Variants in DPP6 observed in about 807,000 individuals in gnomAD.
The protein encoded by DPP6 is A-type potassium channel modulatory protein DPP6.
DPP6 carries 69 observed loss-of-function variants against 122.6 expected under a neutral mutation model. The ratio of observed to expected loss-of-function variants is 0.56; its 90% CI spans 0.46 to 0.69. The LOEUF is 0.69. Ranked by LOEUF, DPP6 falls within the 30% of genes least tolerant of loss-of-function variation. The pLI is 0.00. For synonymous variants in DPP6, 418 were observed against 433.1 expected, an observed-to-expected ratio of 0.97 and a Z score of 0.43; for missense variants, 928 against 1,116.9, an observed-to-expected ratio of 0.83 and a Z score of 2.41.
At chr7:154,828,962 C>A (rs1043096011) in intron 16 of DPP6, among the ~76,000 whole-genome samples, 1 of 152,168 alleles carries the variant, frequency 6.6e-6, no homozygotes, top group Non-Finnish European at 1.5e-5. Context: ...CGGTCTCGTA[C>A]CTTTGTAAGT....
chr7:153,974,566 A>ATT (rs1296766780), intron 1 of DPP6, among the ~76,000 whole-genome samples: 1 of 152,214 alleles, frequency 6.6e-6, no homozygotes, highest in East Asian at 1.9e-4. Flanking sequence ...CAAACACAAG[A>ATT]GTATTCCAGT....
chr7:154,340,592 GCTAT>G (rs1189337617), intron 1 of DPP6, among the ~76,000 whole-genome samples: 1 of 152,112 alleles, frequency 6.6e-6, no homozygotes, highest in Non-Finnish European at 1.5e-5. Flanking sequence ...TGATCTTCAT[GCTAT>G]CTCTTTGTTT....
chr7:154,627,615 C>A (rs543797776), intron 5 of DPP6, among the ~76,000 whole-genome samples: 11 of 152,118 alleles, frequency 7.2e-5, no homozygotes, highest in Admixed American at 6.5e-4. Flanking sequence ...GGGGTGACTA[C>A]GACCTGCTTG....
At chr7:154,180,405 A>C (rs1798015370) in intron 1 of DPP6, among the ~76,000 whole-genome samples, 1 of 146,068 alleles carries the variant, frequency 6.8e-6, no homozygotes, top group African/African-American at 2.5e-5. Flanking sequence ...ATATGTATAA[A>C]TATATATATC....
intron 1 of DPP6, among the ~76,000 whole-genome samples, chr7:153,992,859 T>G (rs1797245505): frequency 6.6e-6 from 1 of 152,182 alleles, no homozygotes; most frequent in African/African-American, 2.4e-5. Context: ...ATTCTGTCCC[T>G]GAAATTCTCA....
At chr7:154,606,802 T>C (rs1833598504) in intron 5 of DPP6, among the ~76,000 whole-genome samples, 1 of 121,498 alleles carries the variant, frequency 8.2e-6, no homozygotes. Context: ...CTAGTCTTTT[T>C]TGTTATTTTC....
chr7:154,288,777 G>A (rs376074738), intron 1 of DPP6, among the ~76,000 whole-genome samples: 41 of 151,944 alleles, frequency 2.7e-4, no homozygotes, highest in African/African-American at 9.4e-4. Flanking sequence ...CTGATATGCT[G>A]GTAAAAAAAA....
intron 1 of DPP6, among the ~76,000 whole-genome samples, chr7:154,310,491 C>G (rs1806772666): frequency 6.6e-6 from 1 of 152,184 alleles, no homozygotes; most frequent in Admixed American, 6.5e-5. Flanking sequence ...GCAACCCAAA[C>G]TCAAAACAAT....
At chr7:154,030,475 A>T (rs1291827643) in intron 1 of DPP6, among the ~76,000 whole-genome samples, 3 of 152,068 alleles carry the variant, frequency 2.0e-5, no homozygotes, top group Non-Finnish European at 4.4e-5. Flanking sequence ...AGACAGGCTT[A>T]CACCATCTGG....
intron 1 of DPP6, among the ~76,000 whole-genome samples, chr7:154,270,309 A>G (rs1803703359): frequency 6.6e-6 from 1 of 152,252 alleles, no homozygotes; most frequent in African/African-American, 2.4e-5. Context: ...AATGTCTCAC[A>G]TCAATTTAGA....
intron 1 of DPP6, among the ~76,000 whole-genome samples, chr7:154,223,320 G>A (rs780303658): frequency 3.3e-5 from 5 of 149,422 alleles, no homozygotes; most frequent in East Asian, 3.9e-4. Flanking sequence ...CCATTAACAC[G>A]TTTTGCAAAT....
the DPP6 span, among the ~76,000 whole-genome samples, chr7:153,809,986 GA>G: frequency 1.3e-5 from 2 of 152,154 alleles, no homozygotes; most frequent in Non-Finnish European, 2.9e-5. Context: ...GTGCCTTAAA[GA>G]AGCTACCATT....
At chr7:154,176,242 GA>G (rs1797797080) in intron 1 of DPP6, among the ~76,000 whole-genome samples, 1 of 152,192 alleles carries the variant, frequency 6.6e-6, no homozygotes, top group Admixed American at 6.5e-5. Context: ...AAATAATTCA[GA>G]AGTGCAGTAT....
At chr7:154,012,269 A>AT (rs1419013969) in intron 1 of DPP6, among the ~76,000 whole-genome samples, 1 of 152,226 alleles carries the variant, frequency 6.6e-6, no homozygotes, top group Non-Finnish European at 1.5e-5. Flanking sequence ...AAAGATCTAA[A>AT]TTAAAAACTA....
intron 1 of DPP6, among the ~76,000 whole-genome samples, chr7:154,089,843 CT>C (rs1456776447): frequency 2.0e-5 from 3 of 152,116 alleles, no homozygotes; most frequent in Non-Finnish European, 4.4e-5. Flanking sequence ...GCAGATTTCA[CT>C]AGCACAATTA....
At chr7:154,526,172 T>C (rs1055495522) in intron 3 of DPP6, among the ~76,000 whole-genome samples, 11 of 152,220 alleles carry the variant, frequency 7.2e-5, no homozygotes, top group African/African-American at 2.7e-4. Context: ...CTGGAATTTG[T>C]TTTTAACTAT....
chr7:154,213,263 G>C (rs1233629307), intron 1 of DPP6, among the ~76,000 whole-genome samples: 1 of 152,210 alleles, frequency 6.6e-6, no homozygotes, highest in East Asian at 1.9e-4. Context: ...GAGTTTGCAA[G>C]TAGCAATTCA....
At chr7:154,721,630 G>T (rs1207101747) in intron 7 of DPP6, among the ~76,000 whole-genome samples, 2 of 152,010 alleles carry the variant, frequency 1.3e-5, no homozygotes, top group African/African-American at 4.8e-5. Context: ...AAAAATAAAA[G>T]AAAAAATAAA....
At chr7:154,500,064 A>C (rs1234553903) in intron 3 of DPP6, among the ~76,000 whole-genome samples, 1 of 152,188 alleles carries the variant, frequency 6.6e-6, no homozygotes, top group Non-Finnish European at 1.5e-5. Context: ...TCTACCAGAG[A>C]ACCTCACTAG....
Sources: gnomAD v4.1 joint callset for allele counts (sites outside exome capture counted in the v4.1 genomes callset) on GRCh38, gnomAD v4.1.1 for gene constraint, MANE v1.5 for transcripts, NCBI Gene and HGNC (gene_info 2026-07-23, HGNC 2026-07-21) for gene names.